Variants in CDON observed in about 807,000 individuals in gnomAD.
CDON encodes the protein cell adhesion associated, oncogene regulated, also known as cell adhesion molecule-related/down-regulated by oncogenes.
Under a neutral mutation model 120.9 loss-of-function variants are expected in CDON, and 73 were observed. The observed-to-expected ratio is 0.60, with a 90% CI of 0.50 to 0.73. The LOEUF (loss-of-function observed/expected upper bound fraction) is 0.73. Among genes scored for constraint, CDON ranks in the 30% least tolerant of loss-of-function variants. The pLI, the probability that CDON is intolerant of heterozygous loss-of-function variation, is 0.00. For missense variants in CDON, 1,470 were observed against 1,587.3 expected (o/e 0.93, Z 1.26); for synonymous variants, 566 against 573.5 (o/e 0.99, Z 0.19).
In CDON at chr11:125,994,194, T is replaced by C. The variant is rs1004913851; in HGVS notation, c.2650+90A>G. 5.2e-6 allele frequency: 4 copies of C among 763,862 alleles called. No homozygotes were observed. The South Asian group carries it at 5.7e-5, about 11-fold the overall frequency. The allele number at this position is 763,862 out of a possible 1,614,324, so 47.3% of individuals were successfully genotyped here. ...ACACATACACCATTCCATTTTGTACTGTCTTAATTTGGGATGATGCATTTT... is the reference window on the plus strand; with the variant it reads ...ACACATACACCATTCCATTTTGTACCGTCTTAATTTGGGATGATGCATTTT... On this transcript the variant is annotated intron_variant, in intron 14 of 19. Transcript: ENST00000531738.
Position 125,984,484 on chromosome 11 carries a change from C to T in CDON, c.2774-391G>A, listed in dbSNP as rs550007859. ...GGCCGAGGTGAGCAGACTGTCTGAG[C>T]TCAGGAGTTTGCGAACGGCCTGAGC... On this transcript the variant is annotated intron_variant, in intron 15 of 19. Coordinates refer to ENST00000531738, the MANE Select transcript of CDON (RefSeq NM_001378964.1). Among the ~76,000 whole-genome samples the T allele has an allele frequency of 7.9e-4, 120 of 152,264 alleles. 1 individual carries two copies. The highest frequency in any genetic ancestry group is 3.4e-3 in the Middle Eastern group (1 of 294).
chr11:125,966,523 C>A (rs973737906), intron 18 of CDON, among the ~76,000 whole-genome samples: 1 of 152,050 alleles, frequency 6.6e-6, no homozygotes. Context: ...AGTCTCTCTG[C>A]AGGGGGAAAG....
At chr11:126,025,258 G>A (rs1258237873) in intron 1 of CDON, among the ~76,000 whole-genome samples, 13 of 152,102 alleles carry the variant, frequency 8.5e-5, no homozygotes, top group Admixed American at 8.5e-4. Context: ...TCTAGAAGAA[G>A]AGTGTGATCA....
At chr11:125,964,767 T>C (rs144871623) in intron 18 of CDON, among the ~76,000 whole-genome samples, 6 of 152,320 alleles carry the variant, frequency 3.9e-5, no homozygotes, top group Non-Finnish European at 7.3e-5. Context: ...CCCAGTGTAT[T>C]CTTCCATATT....
At chr11:126,012,405 AT>A (rs1055724806) in intron 7 of CDON, among the ~76,000 whole-genome samples, 127 of 145,966 alleles carry the variant, frequency 8.7e-4, no homozygotes, top group East Asian at 4.8e-3. Context: ...AAGGCAACTG[AT>A]TTTTTTTTTT....
intron 15 of CDON, among the ~76,000 whole-genome samples, chr11:125,988,391 T>C (rs1946527893): frequency 6.6e-6 from 1 of 152,106 alleles, no homozygotes; most frequent in South Asian, 2.1e-4. Flanking sequence ...TTTTTTTTCT[T>C]TTGAGACAAG....
chr11:125,997,137 C>A, intron 12 of CDON, 70 bp downstream of exon 12: 1 of 1,256,084 alleles, frequency 8.0e-7, no homozygotes, highest in Non-Finnish European at 1.2e-6. Flanking sequence ...GAGACCCTGT[C>A]TCAAAATATA....
Position 125,961,882 on chromosome 11 carries a change from G to A in CDON, c.3473C>T (p.Pro1158Leu), listed in dbSNP as rs780528095. The A allele has an allele frequency of 1.5e-5, 25 of 1,614,066 alleles. No homozygotes were observed. The highest frequency in any genetic ancestry group is 1.6e-4 in the Middle Eastern group (1 of 6,084). The change falls in exon 19 of 20, where the codon CCT (proline) becomes CTT (leucine). Residue 1158 changes from proline (P) to leucine (L), a missense_variant. Transcript: ENST00000531738. Reference protein sequence around the residue: ...EMKPLSHVKVPVCLTSAVPDC... With the variant: ...EMKPLSHVKVLVCLTSAVPDC... ...AGGGACTGCGGAAGTCAGGCATACA[G>A]GCACCTTCACGTGACTGAGGGGCTT...
intron 1 of CDON, among the ~76,000 whole-genome samples, chr11:126,053,845 G>A (rs996562143): frequency 6.6e-6 from 1 of 151,830 alleles, no homozygotes; most frequent in Non-Finnish European, 1.5e-5. Context: ...CTGAAACCAC[G>A]CTCACTCCCT....
chr11:126,026,097 T>C (rs1385977320), intron 1 of CDON, among the ~76,000 whole-genome samples: 2 of 152,256 alleles, frequency 1.3e-5, no homozygotes, highest in Non-Finnish European at 2.9e-5. Context: ...TCAAAAATGT[T>C]TCTTAAAATG....
At chr11:125,984,696 CAAAA>C (rs11306066) in intron 15 of CDON, among the ~76,000 whole-genome samples, 7 of 115,392 alleles carry the variant, frequency 6.1e-5, no homozygotes, top group Non-Finnish European at 1.8e-5. Flanking sequence ...GATTCTGTCT[CAAAA>C]AAAAAAAAAA....
At chr11:126,002,923 C>A (rs893925111) in intron 10 of CDON, among the ~76,000 whole-genome samples, 2 of 152,114 alleles carry the variant, frequency 1.3e-5, no homozygotes, top group African/African-American at 4.8e-5. Context: ...CCATGTACAC[C>A]CAACCTTGGG....
chr11:125,978,432 A>C, intron 17 of CDON, 49 bp from the exon 18 acceptor site: 1 of 1,217,598 alleles, frequency 8.2e-7, no homozygotes, highest in Non-Finnish European at 1.2e-6. Context: ...AGGAATGCTG[A>C]AGGTACTCAC....
intron 18 of CDON, among the ~76,000 whole-genome samples, chr11:125,974,613 T>G (rs915820050): frequency 6.6e-6 from 1 of 152,024 alleles, no homozygotes; most frequent in Non-Finnish European, 1.5e-5. Flanking sequence ...TAATTAAATA[T>G]ATAAAAATAA....
At position 125,994,992 on chromosome 11, in the gene CDON, G is replaced by A. The variant is rs1428144415; in HGVS notation, c.2423C>T (p.Ser808Leu). The A allele has an allele frequency of 6.2e-7, 1 of 1,614,094 alleles. No homozygotes were observed. The highest frequency in any genetic ancestry group is 1.7e-5 in the Admixed American group (1 of 60,016). The change falls in exon 13 of 20, where the codon TCA becomes TTA. Residue 808 changes from serine to leucine, a missense_variant. Coordinates refer to ENST00000531738, the MANE Select transcript of CDON (RefSeq NM_001378964.1). ...AACCACTTGATAAGGACGAGATGCTGAACTCCGAAAACTCTCACCATAATG... is the reference window on the plus strand; with the variant it reads ...AACCACTTGATAAGGACGAGATGCTAAACTCCGAAAACTCTCACCATAATG... ...INHYGESFRS[S>L]ASRPYQVVGF...
At chr11:125,965,460 G>T (rs1389013126) in intron 18 of CDON, among the ~76,000 whole-genome samples, 1 of 152,138 alleles carries the variant, frequency 6.6e-6, no homozygotes, top group Non-Finnish European at 1.5e-5. Context: ...GGAGGCATCT[G>T]CTCGATTCAG....
At chr11:126,027,502 G>A (rs1287524301) in intron 1 of CDON, among the ~76,000 whole-genome samples, 1 of 152,158 alleles carries the variant, frequency 6.6e-6, no homozygotes, top group African/African-American at 2.4e-5. Context: ...TTATTCATAT[G>A]TGTGTGTATA....
At chr11:125,997,957 T>G (rs939573045) in intron 11 of CDON, among the ~76,000 whole-genome samples, 1 of 152,124 alleles carries the variant, frequency 6.6e-6, no homozygotes, top group African/African-American at 2.4e-5. Context: ...ATAAAATCAA[T>G]ACTGTTAATA....
intron 1 of CDON, among the ~76,000 whole-genome samples, chr11:126,056,763 T>C (rs1244226522): frequency 6.6e-6 from 1 of 152,188 alleles, no homozygotes; most frequent in Admixed American, 6.5e-5. Flanking sequence ...TGTTAATAGG[T>C]TAGTGGCCAA....
Sources: allele counts gnomAD v4.1 joint callset (sites outside exome capture counted in the v4.1 genomes callset), GRCh38; gene constraint gnomAD v4.1.1; transcripts MANE v1.5; gene names NCBI Gene and HGNC (gene_info 2026-07-23, HGNC 2026-07-21).